Variants in DERA observed in about 807,000 individuals in gnomAD.
DERA encodes the protein 2-deoxy-D-ribose 5-phosphate aldolase.
DERA carries 15 observed loss-of-function variants against 41.1 expected under a neutral mutation model. That is an observed-to-expected ratio of 0.37 (90% CI 0.24 to 0.56). The LOEUF (loss-of-function observed/expected upper bound fraction) is 0.56, where lower values mean the gene tolerates loss of function less well. Among genes scored for constraint, DERA ranks in the 20% least tolerant of loss-of-function variants. The pLI, the probability that DERA is intolerant of heterozygous loss-of-function variation, is 0.81. For synonymous variants in DERA, 139 were observed against 137.4 expected, an observed-to-expected ratio of 1.01 and a Z score of -0.08; for missense variants, 396 against 403.4, an observed-to-expected ratio of 0.98 and a Z score of 0.16.
rs1418360687 is a variant in DERA, at chr12:15,994,685, C to G, written c.637+12249C>G. ...AGCCAGCATGGTCTCGATCTCCTGA[C>G]CTCGCGATCCACCCACCTCGGCCTC... On this transcript the variant is annotated intron_variant, in intron 6 of 8. Coordinates refer to ENST00000428559, the MANE Select transcript of DERA (RefSeq NM_015954.4). This position sits in a 1 kb window ranked among gnomAD's most constrained non-coding sequence, Gnocchi z 4.8. 6.6e-6 allele frequency among the ~76,000 whole-genome samples: 1 copy of G among 152,160 alleles called. No homozygotes were observed. The highest frequency in any genetic ancestry group is 1.5e-5 in the Non-Finnish European group (1 of 68,028).
At chr12:16,016,401 C>T (rs776734911) in intron 6 of DERA, among the ~76,000 whole-genome samples, 15 of 152,244 alleles carry the variant, frequency 9.9e-5, no homozygotes, top group Non-Finnish European at 8.8e-5. Flanking sequence ...CTCAGGAGAA[C>T]TAATACAATA....
At chr12:16,031,719 A>T (rs1453082466) in intron 6 of DERA, among the ~76,000 whole-genome samples, 3 of 152,162 alleles carry the variant, frequency 2.0e-5, no homozygotes, top group Non-Finnish European at 4.4e-5. Flanking sequence ...TTAAAATCCT[A>T]CCTTTCCATT....
chr12:16,026,337 C>T lies in DERA; in HGVS notation c.638-6205C>T, dbSNP rs1217728727. On this transcript the variant is annotated intron_variant, in intron 6 of 8. Transcript: ENST00000428559. The surrounding 1 kb of genome is among the most constrained non-coding windows in gnomAD (Gnocchi z 4.4). ...GAGAAAAGACATAAATTACCCATATCGGAAATGAAAGAAGGGTCATCTCCT... is the reference window on the plus strand; with the variant it reads ...GAGAAAAGACATAAATTACCCATATTGGAAATGAAAGAAGGGTCATCTCCT... Among the ~76,000 whole-genome samples, 6 of 150,512 alleles carry T rather than the reference C, an allele frequency of 4.0e-5. No homozygotes were observed. The South Asian group carries it at 6.3e-4, about 16-fold the overall frequency.
At chr12:15,939,856 T>C (rs1184537603) in intron 1 of DERA, among the ~76,000 whole-genome samples, 2 of 152,202 alleles carry the variant, frequency 1.3e-5, no homozygotes, top group East Asian at 1.9e-4. Flanking sequence ...GTCACCTTTT[T>C]CACAAAGATC....
intron 6 of DERA, among the ~76,000 whole-genome samples, chr12:15,987,756 C>T (rs1239811807): frequency 6.6e-6 from 1 of 152,014 alleles, no homozygotes; most frequent in Non-Finnish European, 1.5e-5. Flanking sequence ...GTCGCTTTGC[C>T]AGTCAGAAAC....
Position 15,996,362 on chromosome 12 carries a change from G to C in DERA, c.637+13926G>C, listed in dbSNP as rs1948837764. ...AGGTTCTGGAGGCCAGAAGCCCGCA[G>C]TCAGGGTGTCAGCAGGCTTATGCTC... On this transcript the variant is annotated intron_variant, in intron 6 of 8. Coordinates refer to ENST00000428559, the MANE Select transcript of DERA (RefSeq NM_015954.4). This position sits in a 1 kb window ranked among gnomAD's most constrained non-coding sequence, Gnocchi z 4.7. 6.6e-6 allele frequency among the ~76,000 whole-genome samples: 1 copy of C among 152,148 alleles called. No individual in the cohort carries two copies. Among genetic ancestry groups the C allele is most frequent in the Non-Finnish European group, 1.5e-5 (1 of 68,030 alleles).
chr12:15,916,755 C>A (rs1236261439), intron 1 of DERA, among the ~76,000 whole-genome samples: 1 of 152,000 alleles, frequency 6.6e-6, no homozygotes, highest in African/African-American at 2.4e-5. Context: ...CTGGCACAAT[C>A]CTGTTTCTTG....
intron 1 of DERA, among the ~76,000 whole-genome samples, chr12:15,912,452 C>T (rs1206968336): frequency 6.6e-6 from 1 of 152,154 alleles, no homozygotes; most frequent in Admixed American, 6.5e-5. Context: ...GTTTAAGCGT[C>T]TCGTTTAAGT....
chr12:16,022,454 T>G (rs1015191112), intron 6 of DERA, among the ~76,000 whole-genome samples: 3 of 152,176 alleles, frequency 2.0e-5, no homozygotes, highest in Non-Finnish European at 4.4e-5. Context: ...AATAATGGAC[T>G]AACACAGCAT....
chr12:16,010,232 T>G lies in DERA; in HGVS notation c.638-22310T>G. 6.6e-6 allele frequency among the ~76,000 whole-genome samples: 1 copy of G among 152,220 alleles called. No homozygotes were observed. Among genetic ancestry groups the G allele is most frequent in the African/African-American group, 2.4e-5 (1 of 41,452 alleles). ...GATCCTAGATGAGTTCTAGTTCATA[T>G]GCAGAGTGGATCCAGGTTGCGTGCA... is the stretch of plus-strand genomic sequence containing the variant. On this transcript the variant is annotated intron_variant, in intron 6 of 8. Transcript: ENST00000428559. This position sits in a 1 kb window ranked among gnomAD's most constrained non-coding sequence, Gnocchi z 5.5.
At chr12:16,022,388 TTAAA>T (rs1949022415) in intron 6 of DERA, among the ~76,000 whole-genome samples, 1 of 152,234 alleles carries the variant, frequency 6.6e-6, no homozygotes, top group South Asian at 2.1e-4. Flanking sequence ...TGTGAGCTAA[TTAAA>T]CTTCTTTTCT....
At chr12:15,914,602 A>G (rs954234771) in intron 1 of DERA, among the ~76,000 whole-genome samples, 2 of 152,124 alleles carry the variant, frequency 1.3e-5, no homozygotes, top group African/African-American at 4.8e-5. Context: ...CAAGAAGCCT[A>G]TAAAGGATGT....
rs1948780626 is a variant in DERA, at chr12:15,988,550, G to T, written c.637+6114G>T. ...TCTGAGGTTTTTATATGCTCAGAAT[G>T]AAGGAAGTGCATGCTGATTGGTCCA... On this transcript the variant is annotated intron_variant, in intron 6 of 8. Transcript: ENST00000428559. The surrounding 1 kb of genome is among the most constrained non-coding windows in gnomAD (Gnocchi z 6.0). Among the ~76,000 whole-genome samples the T allele has an allele frequency of 6.6e-6, 1 of 152,174 alleles. No homozygotes were observed. The highest frequency in any genetic ancestry group is 1.5e-5 in the Non-Finnish European group (1 of 68,022).
In DERA at chr12:16,004,418, A is replaced by G. The variant is rs897555915; in HGVS notation, c.637+21982A>G. Among the ~76,000 whole-genome samples the G allele has an allele frequency of 2.0e-5, 3 of 152,202 alleles. No individual in the cohort carries two copies. The highest frequency in any genetic ancestry group is 4.4e-5 in the Non-Finnish European group (3 of 68,028). Reference sequence around the variant, plus strand: ...CCACCAATCTTTGATTTATAAATCTAGAAGCCTCATGTTTTCTGGAATCCT... The same window carrying G: ...CCACCAATCTTTGATTTATAAATCTGGAAGCCTCATGTTTTCTGGAATCCT... On this transcript the variant is annotated intron_variant, in intron 6 of 8. Coordinates refer to ENST00000428559, the MANE Select transcript of DERA (RefSeq NM_015954.4). This position sits in a 1 kb window ranked among gnomAD's most constrained non-coding sequence, Gnocchi z 4.2.
rs900116298 is a variant in DERA, at chr12:15,976,244, T to C, written c.509-6064T>C. 6.6e-6 allele frequency among the ~76,000 whole-genome samples: 1 copy of C among 152,184 alleles called. No homozygotes were observed. Among genetic ancestry groups the C allele is most frequent in the South Asian group, 2.1e-4 (1 of 4,824 alleles). ...ATCTTCAGTATATTCATCTTTTTTA[T>C]CAATATTTGCCTTTTTATCAATTGC... is the stretch of plus-strand genomic sequence containing the variant. On this transcript the variant is annotated intron_variant, in intron 5 of 8. Transcript: ENST00000428559. This position sits in a 1 kb window ranked among gnomAD's most constrained non-coding sequence, Gnocchi z 4.1.
In DERA at chr12:15,976,242, T is replaced by A. The variant is rs1948696220; in HGVS notation, c.509-6066T>A. 6.6e-6 allele frequency among the ~76,000 whole-genome samples: 1 copy of A among 152,186 alleles called. No individual in the cohort carries two copies. Among genetic ancestry groups the A allele is most frequent in the African/African-American group, 2.4e-5 (1 of 41,446 alleles). ...TTATCTTCAGTATATTCATCTTTTTTATCAATATTTGCCTTTTTATCAATT... is the reference window on the plus strand; with the variant it reads ...TTATCTTCAGTATATTCATCTTTTTAATCAATATTTGCCTTTTTATCAATT... On this transcript the variant is annotated intron_variant, in intron 5 of 8. Coordinates refer to ENST00000428559, the MANE Select transcript of DERA (RefSeq NM_015954.4). This position sits in a 1 kb window ranked among gnomAD's most constrained non-coding sequence, Gnocchi z 4.1.
chr12:15,916,950 G>T (rs187454881), intron 1 of DERA, among the ~76,000 whole-genome samples: 1 of 152,208 alleles, frequency 6.6e-6, no homozygotes, highest in African/African-American at 2.4e-5. Context: ...TAGAAATAGT[G>T]AAGTATTTGA....
In DERA at chr12:15,985,919, A is replaced by G. The variant is rs1323340467; in HGVS notation, c.637+3483A>G. 6.6e-6 allele frequency among the ~76,000 whole-genome samples: 1 copy of G among 152,120 alleles called. No individual in the cohort carries two copies. Among genetic ancestry groups the G allele is most frequent in the Non-Finnish European group, 1.5e-5 (1 of 68,004 alleles). On this transcript the variant is annotated intron_variant, in intron 6 of 8. Transcript: ENST00000428559. This position sits in a 1 kb window ranked among gnomAD's most constrained non-coding sequence, Gnocchi z 4.2. ...TCTAGTTTTGTTTTCTTTTTGGTCTACTGGTTCTGTTTATTACTAAGAGAG... is the reference window on the plus strand; with the variant it reads ...TCTAGTTTTGTTTTCTTTTTGGTCTGCTGGTTCTGTTTATTACTAAGAGAG...
chr12:15,966,527 T>G lies in DERA; in HGVS notation c.508+3580T>G, dbSNP rs1300118212. Among the ~76,000 whole-genome samples, 1 of 152,116 alleles carries G rather than the reference T, an allele frequency of 6.6e-6. No homozygotes were observed. Among genetic ancestry groups the G allele is most frequent in the African/African-American group, 2.4e-5 (1 of 41,412 alleles). On this transcript the variant is annotated intron_variant, in intron 5 of 8. Transcript: ENST00000428559. This position sits in a 1 kb window ranked among gnomAD's most constrained non-coding sequence, Gnocchi z 5.1. ...TTTGTTTGTCTTGAGAAGTTCAAAC[T>G]AATATACTAATGACCTGTCATCTCA...
Sources: gnomAD v4.1 joint callset for allele counts (sites outside exome capture counted in the v4.1 genomes callset) on GRCh38, gnomAD v4.1.1 for gene constraint, Gnocchi (gnomAD v3.1) non-coding constraint, MANE v1.5 for transcripts, NCBI Gene and HGNC (gene_info 2026-07-23, HGNC 2026-07-21) for gene names.